Variants in RXRA observed in about 807,000 individuals in gnomAD.
The protein encoded by RXRA is retinoic acid receptor RXR-alpha.
RXRA carries 5 observed loss-of-function variants against 44.5 expected under a neutral mutation model. The observed-to-expected ratio is 0.11, with a 90% confidence interval of 0.06 to 0.24. The LOEUF is 0.24. Among genes scored for constraint, RXRA ranks in the 10% least tolerant of loss-of-function variants. The pLI, the probability that RXRA is intolerant of heterozygous loss-of-function variation, is 1.00. For synonymous variants in RXRA, 291 were observed against 271.4 expected (o/e 1.07, Z -0.71); for missense variants, 412 against 646.5 (o/e 0.64, Z 3.93).
rs756398943 is a variant in RXRA at position 134,426,472 on chromosome 9, CA to C, written c.911-2635del. The C allele has an allele frequency of 9.4e-5, 93 of 985,422 alleles. No individual in the cohort carries two copies. Among genetic ancestry groups the C allele is most frequent in the Admixed American group, 5.5e-4 (9 of 16,294 alleles). 61.0% of individuals were successfully genotyped at this position (985,422 alleles called of 1,614,324 possible). ...GACATCGGGGTGGAGGGACAGGGGA[CA>C]GGGGAGCTGAGATGCAGCCGGCGTG... On this transcript the variant is annotated intron_variant, in intron 6 of 9. Transcript: ENST00000481739. The surrounding 1 kb of genome is among the most constrained non-coding windows in gnomAD (Gnocchi z 4.6).
intron 1 of RXRA, among the ~76,000 whole-genome samples, chr9:134,384,580 G>A (rs752722439): frequency 6.6e-6 from 1 of 152,180 alleles, no homozygotes; most frequent in Non-Finnish European, 1.5e-5. Context: ...AGCCGGTGGA[G>A]CTGTGGGTGC....
intron 2 of RXRA, chr9:134,406,307 T>C (rs1429518851): frequency 6.9e-6 from 1 of 144,040 alleles, no homozygotes; most frequent in Non-Finnish European, 1.5e-5. Flanking sequence ...AGCAGGAGGA[T>C]CAATTGGGCC....
chr9:134,396,481 C>T (rs1353530765), intron 1 of RXRA, among the ~76,000 whole-genome samples: 1 of 152,038 alleles, frequency 6.6e-6, no homozygotes, highest in African/African-American at 2.4e-5. Context: ...TGAGGGCCTG[C>T]TAGCTGCTTG....
chr9:134,398,306 G>T (rs1564284843), intron 1 of RXRA, among the ~76,000 whole-genome samples: 1 of 152,182 alleles, frequency 6.6e-6, no homozygotes, highest in Non-Finnish European at 1.5e-5. Flanking sequence ...TAAGAATAAC[G>T]CCTATGGTAG....
At chr9:134,385,145 C>T (rs138307602) in intron 1 of RXRA, among the ~76,000 whole-genome samples, 1 of 152,324 alleles carries the variant, frequency 6.6e-6, no homozygotes, top group East Asian at 1.9e-4. Flanking sequence ...GTGGACAGAG[C>T]TGGTTGGCTC....
At chr9:134,335,683 G>A (rs1356383492) in intron 1 of RXRA, among the ~76,000 whole-genome samples, 4 of 152,160 alleles carry the variant, frequency 2.6e-5, no homozygotes, top group South Asian at 2.1e-4. Context: ...CAGCCTGGCC[G>A]CCCCCAGCTG....
At chr9:134,350,689 C>G (rs1554749339) in intron 1 of RXRA, among the ~76,000 whole-genome samples, 1 of 152,250 alleles carries the variant, frequency 6.6e-6, no homozygotes, top group African/African-American at 2.4e-5. Context: ...GAGAAGCCAG[C>G]CTCCCCCGCA....
chr9:134,381,338 C>T (rs773470049), intron 1 of RXRA, among the ~76,000 whole-genome samples: 1 of 152,100 alleles, frequency 6.6e-6, no homozygotes, highest in African/African-American at 2.4e-5. Context: ...GAGCTCAGAC[C>T]TTAGCTAGTG....
intron 1 of RXRA, among the ~76,000 whole-genome samples, chr9:134,334,966 C>A (rs536336524): frequency 6.6e-6 from 1 of 152,098 alleles, no homozygotes; most frequent in African/African-American, 2.4e-5. Context: ...CATGGCAGAG[C>A]AGAGGCAGTA....
intron 1 of RXRA, among the ~76,000 whole-genome samples, chr9:134,376,198 T>C (rs34525966): frequency 0.74 from 112,788 of 152,010 alleles, 42,038 homozygotes; most frequent in East Asian, 0.81. Flanking sequence ...CAGGCCTTCT[T>C]GTGGAGGCCC....
At chr9:134,358,751 G>A (rs1830314936) in intron 1 of RXRA, among the ~76,000 whole-genome samples, 1 of 152,222 alleles carries the variant, frequency 6.6e-6, no homozygotes, top group African/African-American at 2.4e-5. Context: ...GGGCAGGCCT[G>A]GGCCCCGGCT....
intron 1 of RXRA, among the ~76,000 whole-genome samples, chr9:134,327,781 G>A (rs1834941152): frequency 6.6e-6 from 1 of 152,134 alleles, no homozygotes; most frequent in African/African-American, 2.4e-5. Context: ...GGATGTGAGG[G>A]TGAGAGTCTG....
chr9:134,413,510 G>A (rs1237086585), intron 4 of RXRA, among the ~76,000 whole-genome samples: 2 of 152,170 alleles, frequency 1.3e-5, no homozygotes, highest in Non-Finnish European at 1.5e-5. Context: ...GCTGCTCTCT[G>A]GGTCTCTGTC....
At position 134,343,906 on chromosome 9, in the gene RXRA, T is replaced by C. The variant is rs1043429052; in HGVS notation, c.28+17247T>C. On this transcript the variant is annotated intron_variant, in intron 1 of 9. Coordinates refer to ENST00000481739, the MANE Select transcript of RXRA (RefSeq NM_002957.6). This position sits in a 1 kb window ranked among gnomAD's most constrained non-coding sequence, Gnocchi z 4.1. ...CGTCTTCTCACCTTCTGGCCGGTCA[T>C]TGGCCCTCGTGGCCCTACCACAGTG... Among the ~76,000 whole-genome samples, 1 of 152,164 alleles carries C rather than the reference T, an allele frequency of 6.6e-6. No homozygotes were observed. Among genetic ancestry groups the C allele is most frequent in the Non-Finnish European group, 1.5e-5 (1 of 68,016 alleles).
intron 1 of RXRA, among the ~76,000 whole-genome samples, chr9:134,344,792 G>T (rs1554748546): frequency 2.6e-5 from 4 of 152,218 alleles, no homozygotes; most frequent in African/African-American, 7.2e-5. Flanking sequence ...TCTGTGTGCT[G>T]CCTTCCGTAG....
Position 134,417,474 on chromosome 9 carries a change from T to A in RXRA, c.780+147T>A. 2.2e-6 allele frequency: 2 copies of A among 916,878 alleles called. No individual in the cohort carries two copies. The highest frequency in any genetic ancestry group is 2.6e-5 in the Admixed American group (1 of 38,466). 56.8% of individuals were successfully genotyped at this position (916,878 alleles called of 1,614,324 possible). ...GGCTGCCTCAGCTCGGCCTCTTACC[T>A]GAGGTGACCCCGTGGGCCCCTCGCC... On this transcript the variant is annotated intron_variant, in intron 5 of 9. Coordinates refer to ENST00000481739, the MANE Select transcript of RXRA (RefSeq NM_002957.6). The surrounding 1 kb of genome is among the most constrained non-coding windows in gnomAD (Gnocchi z 6.1).
chr9:134,383,089 G>GT (rs1192927665), intron 1 of RXRA, among the ~76,000 whole-genome samples: 1 of 152,190 alleles, frequency 6.6e-6, no homozygotes, highest in African/African-American at 2.4e-5. Flanking sequence ...CACACTGTGG[G>GT]GACAGACAGG....
intron 1 of RXRA, among the ~76,000 whole-genome samples, chr9:134,388,779 C>T (rs1351772743): frequency 1.3e-5 from 2 of 152,220 alleles, no homozygotes; most frequent in African/African-American, 4.8e-5. Flanking sequence ...CCTCTGCCTC[C>T]TCCTCCTTGT....
In RXRA at chr9:134,439,414, T is replaced by TCGGGCATGCTTGGAAG. The variant is rs1210399654; in HGVS notation, c.*2802_*2817dup. The TCGGGCATGCTTGGAAG allele has an allele frequency of 6.6e-6, 1 of 152,224 alleles. No homozygotes were observed. Among genetic ancestry groups the TCGGGCATGCTTGGAAG allele is most frequent in the Non-Finnish European group, 1.5e-5 (1 of 68,058 alleles). 9.4% of individuals were successfully genotyped at this position (152,224 alleles called of 1,614,324 possible). ...CAGAGCCGGGCTCCCCTAGGCTGCG[T>TCGGGCATGCTTGGAAG]CGGGCATGCTTGGAAGCTGGCCTGC... On this transcript the variant is annotated 3_prime_UTR_variant, in exon 10 of 10. Transcript: ENST00000481739.
Sources: allele counts gnomAD v4.1 joint callset (sites outside exome capture counted in the v4.1 genomes callset), GRCh38; gene constraint gnomAD v4.1.1; non-coding constraint Gnocchi (gnomAD v3.1); transcripts MANE v1.5; gene names NCBI Gene and HGNC (gene_info 2026-07-23, HGNC 2026-07-21).